TTLL9: variants seen among roughly 807,000 people sequenced by gnomAD.
TTLL9 encodes the protein tubulin tyrosine ligase like 9.
In TTLL9, 47 loss-of-function variants were observed where a neutral mutation model predicts 65.6. The observed-to-expected ratio is 0.72, with a 90% CI of 0.57 to 0.91. The LOEUF is 0.91. TTLL9 is among the 40% of genes least tolerant of loss of function. The pLI, the probability that TTLL9 is intolerant of heterozygous loss-of-function variation, is 0.00. For synonymous variants in TTLL9, 179 were observed against 204.8 expected (o/e 0.87, Z 1.07); for missense variants, 537 against 568.8 (o/e 0.94, Z 0.57).
intron 12 of TTLL9, among the ~76,000 whole-genome samples, chr20:31,936,070 G>T (rs922911505): frequency 6.6e-6 from 1 of 152,152 alleles, no homozygotes; most frequent in Non-Finnish European, 1.5e-5. Context: ...AAGATAATTT[G>T]CTGTGTAGTG....
chr20:31,887,616 C>T (rs557965795), intron 3 of TTLL9, among the ~76,000 whole-genome samples: 1 of 152,248 alleles, frequency 6.6e-6, no homozygotes, highest in South Asian at 2.1e-4. Context: ...CTTCAACAAC[C>T]CTGTGATGAC....
chr20:31,887,310 C>T, intron 3 of TTLL9, 71 bp downstream of exon 3: 2 of 1,498,344 alleles, frequency 1.3e-6, no homozygotes, highest in Non-Finnish European at 1.9e-6. Flanking sequence ...TTTTCAATCC[C>T]TCTCTCCCTT....
At chr20:31,885,186 G>A (rs2063172196) in intron 2 of TTLL9, among the ~76,000 whole-genome samples, 1 of 151,766 alleles carries the variant, frequency 6.6e-6, no homozygotes, top group African/African-American at 2.4e-5. Context: ...TTTTTTCGTA[G>A]AAATTGGCAA....
At chr20:31,934,341 C>T in intron 11 of TTLL9, 2 of 522,864 alleles carry the variant, frequency 3.8e-6, no homozygotes, top group South Asian at 3.1e-5. Context: ...ACAGTGGGGC[C>T]CTTGTGCATA....
chr20:31,887,292 C>G (rs891046025), intron 3 of TTLL9, 53 bp downstream of exon 3: 2 of 1,586,376 alleles, frequency 1.3e-6, no homozygotes, highest in African/African-American at 2.7e-5. Flanking sequence ...TTCTCTCCCT[C>G]CCTCCCCTTT....
intron 2 of TTLL9, among the ~76,000 whole-genome samples, chr20:31,873,965 G>A (rs545611313): frequency 4.6e-5 from 7 of 152,334 alleles, no homozygotes; most frequent in Admixed American, 2.0e-4. Context: ...GATCCTAGGC[G>A]GGTGAGCCAA....
intron 3 of TTLL9, among the ~76,000 whole-genome samples, chr20:31,889,854 G>A (rs1600534341): frequency 6.6e-6 from 1 of 151,852 alleles, no homozygotes; most frequent in East Asian, 1.9e-4. Context: ...ACAGGCATGA[G>A]CCTTCATGAT....
chr20:31,919,426 C>G (rs1159502162), intron 6 of TTLL9, among the ~76,000 whole-genome samples: 1 of 152,016 alleles, frequency 6.6e-6, no homozygotes, highest in Admixed American at 6.6e-5. Flanking sequence ...CATATGAGAT[C>G]AAAGATTCTC....
intron 9 of TTLL9, chr20:31,925,840 C>G: frequency 6.5e-7 from 1 of 1,538,180 alleles, no homozygotes; most frequent in Non-Finnish European, 8.8e-7. Context: ...ATTCCCTTTC[C>G]CTTCTCTCTC....
intron 8 of TTLL9, 119 bp from the exon 9 acceptor site, chr20:31,924,890 C>A (rs2063873287): frequency 8.9e-7 from 1 of 1,120,576 alleles, no homozygotes; most frequent in Non-Finnish European, 1.3e-6. Context: ...TGTGTAGTTT[C>A]AGCAGGAGCT....
intron 2 of TTLL9, among the ~76,000 whole-genome samples, chr20:31,873,828 GAAAGAAAGAAAGAAAGAAAGA>G (rs2062994822): frequency 2.3e-4 from 14 of 61,386 alleles, no homozygotes; most frequent in South Asian, 4.4e-4. Flanking sequence ...AAGGAAGAAA[GAAAGAAAGAAAGAAAGAAAGA>G]AAGAAAGAAA....
chr20:31,942,626 C>T (rs1422044476), intron 14 of TTLL9, among the ~76,000 whole-genome samples: 1 of 152,198 alleles, frequency 6.6e-6, no homozygotes, highest in Non-Finnish European at 1.5e-5. Flanking sequence ...CACATCATTC[C>T]TGCGAGGGCC....
At chr20:31,935,689 G>A (rs992366846) in intron 12 of TTLL9, among the ~76,000 whole-genome samples, 1 of 152,220 alleles carries the variant, frequency 6.6e-6, no homozygotes, top group African/African-American at 2.4e-5. Context: ...TGGACGTGGT[G>A]GAGGAATAAG....
At chr20:31,898,419 C>A in intron 3 of TTLL9, 54 bp from the exon 4 acceptor site, 1 of 1,530,150 alleles carries the variant, frequency 6.5e-7, no homozygotes, top group Admixed American at 1.7e-5. Flanking sequence ...TCTCCTTGCG[C>A]CATCCTAGGA....
chr20:31,934,541 A>G, intron 11 of TTLL9, 151 bp from the exon 12 acceptor site: 1 of 728,008 alleles, frequency 1.4e-6, no homozygotes, highest in Non-Finnish European at 2.3e-6. Context: ...AAAGAGGGGC[A>G]CACCTGGGGT....
intron 4 of TTLL9, among the ~76,000 whole-genome samples, chr20:31,906,396 C>T (rs372250693): frequency 2.0e-5 from 3 of 152,222 alleles, no homozygotes; most frequent in Non-Finnish European, 2.9e-5. Flanking sequence ...CATGGGTTCT[C>T]CTTGCGGCCT....
intron 2 of TTLL9, among the ~76,000 whole-genome samples, chr20:31,875,062 TA>T (rs1262740084): frequency 6.6e-6 from 1 of 152,200 alleles, no homozygotes. Flanking sequence ...TTGTTGTGAT[TA>T]CAAGCAGCAA....
At chr20:31,910,184 AC>A (rs2063625668) in intron 6 of TTLL9, among the ~76,000 whole-genome samples, 1 of 152,212 alleles carries the variant, frequency 6.6e-6, no homozygotes, top group South Asian at 2.1e-4. Context: ...TGTCTTCCTG[AC>A]ATGCCAAGTG....
intron 10 of TTLL9, among the ~76,000 whole-genome samples, chr20:31,930,686 A>G (rs1220880462): frequency 6.6e-6 from 1 of 151,976 alleles, no homozygotes; most frequent in Admixed American, 6.6e-5. Context: ...CCATTGGTTT[A>G]CTTGTCCATT....
Sources: allele counts gnomAD v4.1 joint callset (sites outside exome capture counted in the v4.1 genomes callset), GRCh38; gene constraint gnomAD v4.1.1; transcripts MANE v1.5; gene names NCBI Gene and HGNC (gene_info 2026-07-23, HGNC 2026-07-21).